The following RORA variants were observed in gnomAD, a reference collection of about 807,000 sequenced individuals.
The protein encoded by RORA is RAR related orphan receptor A, also known as nuclear receptor ROR-alpha.
A neutral mutation model predicts 69.5 loss-of-function variants in RORA; 7 were observed. The observed-to-expected ratio is 0.10, with a 90% CI of 0.06 to 0.19. The LOEUF (loss-of-function observed/expected upper bound fraction) is 0.19, where lower values mean the gene tolerates loss of function less well. Ranked by LOEUF, RORA falls within the 10% of genes least tolerant of loss-of-function variation. The probability of loss-of-function intolerance (pLI) is 1.00; values close to 1 mark genes in which losing one functional copy is unlikely to be tolerated. For missense variants in RORA, 457 were observed against 663.0 expected (o/e 0.69, Z 3.41); for synonymous variants, 261 against 240.8 (o/e 1.08, Z -0.78).
intron 1 of RORA, among the ~76,000 whole-genome samples, chr15:60,876,621 C>T (rs943372195): frequency 6.6e-6 from 1 of 151,968 alleles, no homozygotes; most frequent in Non-Finnish European, 1.5e-5. Flanking sequence ...AGGATTTTTG[C>T]TGATTTTTTT....
At chr15:61,207,530 T>A (rs1006893599) in intron 1 of RORA, among the ~76,000 whole-genome samples, 2 of 152,230 alleles carry the variant, frequency 1.3e-5, no homozygotes, top group African/African-American at 4.8e-5. Context: ...ACATTAGAGT[T>A]GTCTTCTCTA....
intron 1 of RORA, among the ~76,000 whole-genome samples, chr15:61,031,109 T>A (rs1211155440): frequency 6.6e-6 from 1 of 152,178 alleles, no homozygotes; most frequent in East Asian, 1.9e-4. Context: ...CTTGACAAGA[T>A]TTGAGCAGTA....
At chr15:60,928,501 T>G (rs535526806) in intron 1 of RORA, among the ~76,000 whole-genome samples, 1 of 152,144 alleles carries the variant, frequency 6.6e-6, no homozygotes, top group Non-Finnish European at 1.5e-5. Context: ...AGGACCTCAG[T>G]AAACACTACT....
chr15:60,858,370 T>C (rs190327628), intron 1 of RORA, among the ~76,000 whole-genome samples: 2 of 152,282 alleles, frequency 1.3e-5, no homozygotes, highest in African/African-American at 2.4e-5. Flanking sequence ...GTCTTTCTAC[T>C]GGTAAGTGGC....
chr15:61,140,492 G>C (rs2079287757), intron 1 of RORA, among the ~76,000 whole-genome samples: 1 of 152,020 alleles, frequency 6.6e-6, no homozygotes, highest in African/African-American at 2.4e-5. Flanking sequence ...CTTTTTAATT[G>C]TTATCTGCTT....
intron 2 of RORA, chr15:60,678,331 C>A: frequency 5.0e-6 from 1 of 201,272 alleles, no homozygotes; most frequent in South Asian, 1.5e-4. Flanking sequence ...AGAAACATAC[C>A]AGCTCTTCTA....
At position 61,061,372 on chromosome 15, in the gene RORA, A is replaced by AATAG; in HGVS notation, c.166+167680_166+167681insCTAT. 6.8e-6 allele frequency among the ~76,000 whole-genome samples: 1 copy of AATAG among 147,248 alleles called. No homozygotes were observed. Among genetic ancestry groups the AATAG allele is most frequent in the South Asian group, 2.2e-4 (1 of 4,458 alleles). ...ATCTTAAAAAATAAATAAATAAATA[A>AATAG]ATAAATAAATAAATAAATAAATAAA... On this transcript the variant is annotated intron_variant, in intron 1 of 10. Transcript: ENST00000335670. The surrounding 1 kb of genome is among the most constrained non-coding windows in gnomAD (Gnocchi z 4.4).
In RORA at chr15:60,500,012, TAA is replaced by T; in HGVS notation, c.1295-10_1295-9del. The T allele has an allele frequency of 6.4e-7, 1 of 1,561,560 alleles. No homozygotes were observed. Among genetic ancestry groups the T allele is most frequent in the Non-Finnish European group, 8.8e-7 (1 of 1,137,570 alleles). On this transcript the variant is annotated splice_polypyrimidine_tract_variant and intron_variant, in intron 9 of 10. Coordinates refer to ENST00000335670, the MANE Select transcript of RORA (RefSeq NM_134261.3). ...CTTGCAGCCATGAGCGATCTAAGCA[TAA>T]AAAAATGATATTCTTTAGCATTCCT...
chr15:60,707,090 C>T (rs566310190), intron 1 of RORA, among the ~76,000 whole-genome samples: 67 of 152,296 alleles, frequency 4.4e-4, no homozygotes, highest in African/African-American at 1.5e-3. Context: ...AATGTTGGAA[C>T]TCAACAAGTC....
chr15:60,561,082 G>GTTTTTTTTTTGTT (rs2067536482), intron 2 of RORA, among the ~76,000 whole-genome samples: 1 of 122,052 alleles, frequency 8.2e-6, no homozygotes, highest in Non-Finnish European at 1.8e-5. Context: ...TTTTGTTTTT[G>GTTTTTTTTTTGTT]TTTTTTTTTT....
intron 1 of RORA, among the ~76,000 whole-genome samples, chr15:61,175,716 C>T (rs915977260): frequency 6.6e-6 from 1 of 151,740 alleles, no homozygotes; most frequent in East Asian, 1.9e-4. Flanking sequence ...AACCCAGTCT[C>T]GAATAAAATA....
chr15:60,846,652 C>G (rs956407601), intron 1 of RORA, among the ~76,000 whole-genome samples: 1 of 152,224 alleles, frequency 6.6e-6, no homozygotes, highest in Non-Finnish European at 1.5e-5. Flanking sequence ...AATGGTCAAG[C>G]TGCCTTTTGA....
At chr15:60,602,119 G>A (rs897035306) in intron 2 of RORA, among the ~76,000 whole-genome samples, 20 of 152,108 alleles carry the variant, frequency 1.3e-4, no homozygotes, top group African/African-American at 4.6e-4. Flanking sequence ...AGAATGTAAC[G>A]GTGATTTGAT....
chr15:60,685,835 T>C (rs1006808757), intron 1 of RORA, among the ~76,000 whole-genome samples: 4 of 152,196 alleles, frequency 2.6e-5, no homozygotes, highest in Non-Finnish European at 5.9e-5. Flanking sequence ...TGTAATTGCA[T>C]AAAAAGCCTT....
chr15:60,902,984 AG>A (rs1891433983), intron 1 of RORA, among the ~76,000 whole-genome samples: 1 of 152,254 alleles, frequency 6.6e-6, no homozygotes, highest in Non-Finnish European at 1.5e-5. Context: ...GTTGAAAAAC[AG>A]AGTGCTTTGG....
chr15:60,567,995 A>G (rs1011420585), intron 2 of RORA, among the ~76,000 whole-genome samples: 1 of 152,176 alleles, frequency 6.6e-6, no homozygotes, highest in Non-Finnish European at 1.5e-5. Flanking sequence ...CACTACTGAC[A>G]TTTTGTGTGA....
Position 60,511,297 on chromosome 15 carries a change from G to C in RORA, c.749C>G (p.Ala250Gly). The C allele has an allele frequency of 6.2e-7, 1 of 1,614,178 alleles. No individual in the cohort carries two copies. Among genetic ancestry groups the C allele is most frequent in the Non-Finnish European group, 8.5e-7 (1 of 1,179,996 alleles). The change falls in exon 5 of 11, where the codon GCA (alanine) becomes GGA (glycine). Residue 250 changes from alanine to glycine, a missense_variant. Around this residue, in one of 3 missense-constraint regions of RORA, gnomAD observed 304 missense variants for 447.4 expected, o/e 0.68. Transcript: ENST00000335670. This position sits in a 1 kb window ranked among gnomAD's most constrained non-coding sequence, Gnocchi z 6.4. ...KPEPICDYTP[A>G]SGFFPYCSFT... ...CGAACAGTAGGGAAAGAAGCCTGAT[G>C]CTGGTGTGTAGTCACATATTGGTTC...
chr15:61,046,837 G>A (rs1043586904), intron 1 of RORA, among the ~76,000 whole-genome samples: 2 of 152,140 alleles, frequency 1.3e-5, no homozygotes, highest in African/African-American at 4.8e-5. Context: ...AGGTTCTTTT[G>A]ACTTCGAGGC....
Position 60,496,060 on chromosome 15 carries a change from AACTGG to A in RORA, c.*1390_*1394del, listed in dbSNP as rs1203848279. On this transcript the variant is annotated 3_prime_UTR_variant, in exon 11 of 11. Coordinates refer to ENST00000335670, the MANE Select transcript of RORA (RefSeq NM_134261.3). The surrounding 1 kb of genome is among the most constrained non-coding windows in gnomAD (Gnocchi z 4.5). ...AAGTATTTAATATTTAAATAAGAGA[AACTGG>A]TTCAACATTGTATGCTTCCCTCACC... 7.2e-5 allele frequency: 11 copies of A among 152,328 alleles called. No individual in the cohort carries two copies. Among genetic ancestry groups the A allele is most frequent in the African/African-American group, 2.4e-4 (10 of 41,570 alleles). The allele number at this position is 152,328 out of a possible 1,614,324, so 9.4% of individuals were successfully genotyped here. A position where few individuals can be genotyped will look rare whatever the true frequency, so the allele number is the denominator to read the frequency against.
Sources: gnomAD v4.1 joint callset for allele counts (sites outside exome capture counted in the v4.1 genomes callset) on GRCh38, gnomAD v4.1.1 for gene constraint, gnomAD v4.1.1 regional missense constraint, Gnocchi (gnomAD v3.1) non-coding constraint, MANE v1.5 for transcripts, NCBI Gene and HGNC (gene_info 2026-07-23, HGNC 2026-07-21) for gene names.